Variants in CDH10 observed in about 807,000 individuals in gnomAD.
CDH10 encodes the protein cadherin-10.
A neutral mutation model predicts 73.1 loss-of-function variants in CDH10; 30 were observed. That is an observed-to-expected ratio of 0.41 (90% CI 0.31 to 0.56). The LOEUF (loss-of-function observed/expected upper bound fraction) is 0.56, where lower values mean the gene tolerates loss of function less well. Ranked by LOEUF, CDH10 falls within the 20% of genes least tolerant of loss-of-function variation. CDH10 has a pLI of 0.27. For missense variants in CDH10, 815 were observed against 973.7 expected, an observed-to-expected ratio of 0.84 and a Z score of 2.17; for synonymous variants, 345 against 348.2, an observed-to-expected ratio of 0.99 and a Z score of 0.10.
chr5:24,565,642 C>T (rs745835090), intron 2 of CDH10, among the ~76,000 whole-genome samples: 2 of 152,078 alleles, frequency 1.3e-5, no homozygotes, highest in South Asian at 2.1e-4. Flanking sequence ...GGAGATAGGG[C>T]CTCTAAGGAA....
intron 8 of CDH10, 82 bp downstream of exon 8, chr5:24,505,030 C>T: frequency 1.1e-6 from 1 of 949,464 alleles, no homozygotes; most frequent in Non-Finnish European, 1.6e-6. Context: ...TAAAATAAAA[C>T]CTATAAAATA....
At chr5:24,619,505 T>C (rs1747239423) in intron 1 of CDH10, among the ~76,000 whole-genome samples, 1 of 152,132 alleles carries the variant, frequency 6.6e-6, no homozygotes, top group African/African-American at 2.4e-5. Context: ...ATTTAGATGA[T>C]ATTTAGATTA....
At chr5:24,564,672 T>C (rs1465162293) in intron 2 of CDH10, among the ~76,000 whole-genome samples, 4 of 152,200 alleles carry the variant, frequency 2.6e-5, no homozygotes, top group African/African-American at 9.6e-5. Context: ...TGCTACCCAA[T>C]AGCACAAAAG....
chr5:24,571,705 T>C (rs1745386408), intron 2 of CDH10, among the ~76,000 whole-genome samples: 1 of 126,640 alleles, frequency 7.9e-6, no homozygotes, highest in Non-Finnish European at 1.9e-5. Context: ...GCAATAGTTC[T>C]ATGAAAAAAA....
At chr5:24,500,938 A>G (rs993390931) in intron 8 of CDH10, among the ~76,000 whole-genome samples, 15 of 152,306 alleles carry the variant, frequency 9.8e-5, no homozygotes, top group African/African-American at 3.4e-4. Context: ...TAAAAAGGAG[A>G]AAAATGCTAT....
rs201104078 is a variant in CDH10 at position 24,487,922 on chromosome 5, G to A, written c.2108C>T (p.Thr703Ile). The A allele has an allele frequency of 2.5e-6, 4 of 1,613,858 alleles. No homozygotes were observed. In the Admixed American group the frequency reaches 5.0e-5, roughly 20 times the overall value. The change falls in exon 12 of 12, where the codon ACA (threonine) becomes ATA (isoleucine). Residue 703 changes from threonine to isoleucine, a missense_variant. Around this residue, in one of 3 missense-constraint regions of CDH10, gnomAD observed 241 missense variants for 240.3 expected, o/e 1.00. Coordinates refer to ENST00000264463, the MANE Select transcript of CDH10 (RefSeq NM_006727.5). ...ETLFIPRRTPTAPDNTDVRDF... is the reference protein window; with the variant it reads ...ETLFIPRRTPIAPDNTDVRDF... ...CCGGACGTCCGTGTTATCTGGAGCT[G>A]TAGGAGTCCTCCGAGGAATAAATAA... is the stretch of plus-strand genomic sequence containing the variant.
At chr5:24,523,677 C>T (rs1013910291) in intron 5 of CDH10, among the ~76,000 whole-genome samples, 2 of 152,016 alleles carry the variant, frequency 1.3e-5, no homozygotes, top group Non-Finnish European at 2.9e-5. Context: ...TTTAAACTTG[C>T]CATTATAATT....
chr5:24,507,789 C>A (rs1247843870), intron 7 of CDH10, among the ~76,000 whole-genome samples: 1 of 151,896 alleles, frequency 6.6e-6, no homozygotes, highest in East Asian at 1.9e-4. Flanking sequence ...ACAAGGAATG[C>A]AGCAATACAG....
rs183025068 is a variant in CDH10, at chr5:24,586,528, C to T, written c.231+6732G>A. Among the ~76,000 whole-genome samples, 626 of 149,568 alleles carry T rather than the reference C, an allele frequency of 4.2e-3. 11 individuals are homozygous for T. Among genetic ancestry groups the T allele is most frequent in the African/African-American group, 0.015 (603 of 40,448 alleles). On this transcript the variant is annotated intron_variant, in intron 2 of 11. Coordinates refer to ENST00000264463, the MANE Select transcript of CDH10 (RefSeq NM_006727.5). ...GGCAATCTCAACTCACTGCAACCTCCGCCTCCCGGGTTCAAGCGATTCTCC... is the reference window on the plus strand; with the variant it reads ...GGCAATCTCAACTCACTGCAACCTCTGCCTCCCGGGTTCAAGCGATTCTCC...
At chr5:24,628,966 T>C (rs1413687985) in intron 1 of CDH10, among the ~76,000 whole-genome samples, 2 of 152,032 alleles carry the variant, frequency 1.3e-5, no homozygotes, top group Non-Finnish European at 2.9e-5. Flanking sequence ...TCGTTTCTTA[T>C]AGTGCTTAAT....
chr5:24,601,999 G>T (rs111610155), intron 1 of CDH10, among the ~76,000 whole-genome samples: 20 of 151,922 alleles, frequency 1.3e-4, no homozygotes, highest in Non-Finnish European at 5.9e-5. Context: ...ACAAATTTTG[G>T]TTTTTGTGTA....
At chr5:24,545,749 T>C (rs1342713790) in intron 2 of CDH10, among the ~76,000 whole-genome samples, 1 of 151,944 alleles carries the variant, frequency 6.6e-6, no homozygotes, top group African/African-American at 2.4e-5. Context: ...AGCCCGTGCA[T>C]GCAAGGTTAC....
At chr5:24,564,021 G>C (rs912149273) in intron 2 of CDH10, among the ~76,000 whole-genome samples, 1 of 152,006 alleles carries the variant, frequency 6.6e-6, no homozygotes, top group Non-Finnish European at 1.5e-5. Flanking sequence ...GCCCAAGAAG[G>C]GTTGAGTTTA....
chr5:24,553,003 CT>C (rs5866669), intron 2 of CDH10, among the ~76,000 whole-genome samples: 144,297 of 152,104 alleles, frequency 0.95, 68,562 homozygotes, highest in East Asian at 1. Context: ...ATGTTTTCCT[CT>C]TTTTTTGTGT....
intron 5 of CDH10, among the ~76,000 whole-genome samples, chr5:24,525,448 G>C (rs1237990740): frequency 6.6e-6 from 1 of 151,938 alleles, no homozygotes; most frequent in Admixed American, 6.6e-5. Flanking sequence ...AACAATACTT[G>C]CTTTAAGAAA....
At chr5:24,494,952 T>C (rs968139892) in intron 9 of CDH10, among the ~76,000 whole-genome samples, 4 of 152,210 alleles carry the variant, frequency 2.6e-5, no homozygotes, top group South Asian at 2.1e-4. Flanking sequence ...TACAAGATAA[T>C]AGGTTTTTTT....
intron 2 of CDH10, among the ~76,000 whole-genome samples, chr5:24,593,013 T>C (rs974095544): frequency 6.6e-6 from 1 of 151,838 alleles, no homozygotes; most frequent in Non-Finnish European, 1.5e-5. Context: ...ATTGCAGTTT[T>C]GAGTACCTCT....
At chr5:24,628,664 T>C (rs1300547008) in intron 1 of CDH10, among the ~76,000 whole-genome samples, 1 of 152,136 alleles carries the variant, frequency 6.6e-6, no homozygotes, top group Non-Finnish European at 1.5e-5. Flanking sequence ...TTTATAAACT[T>C]TTTCATTATG....
chr5:24,637,173 T>G (rs1267238026), intron 1 of CDH10, among the ~76,000 whole-genome samples: 1 of 151,958 alleles, frequency 6.6e-6, no homozygotes, highest in African/African-American at 2.4e-5. Context: ...TAGCAGAGAC[T>G]TTTGTTTCTT....
Sources: allele counts gnomAD v4.1 joint callset (sites outside exome capture counted in the v4.1 genomes callset), GRCh38; gene constraint gnomAD v4.1.1; regional missense constraint gnomAD v4.1.1; transcripts MANE v1.5; gene names NCBI Gene and HGNC (gene_info 2026-07-23, HGNC 2026-07-21).